The following CRTC3 variants were observed in gnomAD, a reference collection of about 807,000 sequenced individuals.
CRTC3 encodes the protein CREB-regulated transcription coactivator 3.
CRTC3 carries 26 observed loss-of-function variants against 74.5 expected under a neutral mutation model. The observed-to-expected ratio is 0.35, with a 90% CI of 0.26 to 0.48. CRTC3 has a LOEUF of 0.48. Ranked by LOEUF, CRTC3 falls within the 20% of genes least tolerant of loss-of-function variation. The probability of loss-of-function intolerance (pLI) is 0.99; values close to 1 mark genes in which losing one functional copy is unlikely to be tolerated. For synonymous variants in CRTC3, 377 were observed against 325.8 expected (o/e 1.16, Z -1.69); for missense variants, 760 against 787.3 (o/e 0.97, Z 0.41).
chr15:90,564,199 C>T (rs555746402), intron 2 of CRTC3, among the ~76,000 whole-genome samples: 1 of 152,312 alleles, frequency 6.6e-6, no homozygotes, highest in South Asian at 2.1e-4. Flanking sequence ...TAACTACCAG[C>T]TCTCCGTCTG....
At chr15:90,620,346 T>C (rs1334555035) in intron 9 of CRTC3, among the ~76,000 whole-genome samples, 1 of 152,216 alleles carries the variant, frequency 6.6e-6, no homozygotes, top group African/African-American at 2.4e-5. Context: ...TATTTTCCAT[T>C]TGCAATACAA....
intron 6 of CRTC3, among the ~76,000 whole-genome samples, chr15:90,612,433 C>A (rs1968385585): frequency 6.6e-6 from 1 of 151,974 alleles, no homozygotes; most frequent in South Asian, 2.1e-4. Flanking sequence ...TCCTTCTGTT[C>A]CAGTCTGAGG....
At chr15:90,542,826 C>T (rs913941060) in intron 2 of CRTC3, among the ~76,000 whole-genome samples, 9 of 152,094 alleles carry the variant, frequency 5.9e-5, no homozygotes, top group African/African-American at 1.9e-4. Context: ...AGATTACAGG[C>T]CAGTTTTTTT....
At chr15:90,634,660 A>T (rs1338991539) in intron 11 of CRTC3, 1 of 568,548 alleles carries the variant, frequency 1.8e-6, no homozygotes, top group African/African-American at 1.9e-5. Flanking sequence ...AGAACAGGAC[A>T]CTGAGGGGCT....
At chr15:90,571,237 A>C (rs1389578140) in intron 2 of CRTC3, among the ~76,000 whole-genome samples, 1 of 152,168 alleles carries the variant, frequency 6.6e-6, no homozygotes, top group Non-Finnish European at 1.5e-5. Context: ...CATGTGACAA[A>C]CCCACAATAG....
intron 2 of CRTC3, among the ~76,000 whole-genome samples, chr15:90,581,993 T>G (rs1350118993): frequency 6.6e-6 from 1 of 152,186 alleles, no homozygotes; most frequent in Non-Finnish European, 1.5e-5. Flanking sequence ...CTGACCCTTG[T>G]GGCCTCCAAG....
intron 2 of CRTC3, among the ~76,000 whole-genome samples, chr15:90,560,449 G>A (rs137970216): frequency 5.5e-4 from 84 of 152,318 alleles, no homozygotes; most frequent in Admixed American, 2.0e-3. Flanking sequence ...CCAGGCATCC[G>A]TTGTCTTCCC....
At chr15:90,622,600 C>T (rs1324882373) in intron 9 of CRTC3, among the ~76,000 whole-genome samples, 2 of 152,204 alleles carry the variant, frequency 1.3e-5, no homozygotes, top group East Asian at 3.9e-4. Flanking sequence ...CCTGTAATCG[C>T]AGCACTTTGG....
chr15:90,541,893 T>C lies in CRTC3; in HGVS notation c.231+1756T>C, dbSNP rs189392932. 7.5e-4 allele frequency among the ~76,000 whole-genome samples: 113 copies of C among 150,102 alleles called. 1 individual carries two copies. Among genetic ancestry groups the C allele is most frequent in the African/African-American group, 2.6e-3 (108 of 40,880 alleles). On this transcript the variant is annotated intron_variant, in intron 2 of 14. Coordinates refer to ENST00000268184, the MANE Select transcript of CRTC3 (RefSeq NM_022769.5). ...CTCCATCACCTGGGTTCAAGCATTCTCCTGCCTCAGCCTCCTGAGTAGCTG... is the reference window on the plus strand; with the variant it reads ...CTCCATCACCTGGGTTCAAGCATTCCCCTGCCTCAGCCTCCTGAGTAGCTG...
In CRTC3 at chr15:90,613,492, G is replaced by A. The variant is rs577771380; in HGVS notation, c.578-961G>A. Among the ~76,000 whole-genome samples the A allele has an allele frequency of 3.9e-5, 6 of 152,234 alleles. No individual in the cohort carries two copies. In the East Asian group the frequency reaches 9.6e-4, roughly 24 times the overall value. ...TACCTGTGTTATAGAATGTGCTACC[G>A]TGTTACCCTGATCTGTCTTCTCACC... is the stretch of plus-strand genomic sequence containing the variant. On this transcript the variant is annotated intron_variant, in intron 6 of 14. Coordinates refer to ENST00000268184, the MANE Select transcript of CRTC3 (RefSeq NM_022769.5).
chr15:90,534,219 T>C (rs1288335493), intron 1 of CRTC3, among the ~76,000 whole-genome samples: 1 of 151,974 alleles, frequency 6.6e-6, no homozygotes, highest in East Asian at 1.9e-4. Context: ...CCAGATTTTG[T>C]GAATGGGTGA....
At chr15:90,634,419 C>T (rs1969158710) in intron 11 of CRTC3, among the ~76,000 whole-genome samples, 1 of 152,130 alleles carries the variant, frequency 6.6e-6, no homozygotes, top group Non-Finnish European at 1.5e-5. Context: ...GCCTTGTTAT[C>T]TTGTTTCATC....
At chr15:90,615,080 A>AATT (rs1567185489) in intron 7 of CRTC3, among the ~76,000 whole-genome samples, 243 of 150,790 alleles carry the variant, frequency 1.6e-3, no homozygotes, top group African/African-American at 5.5e-3. Context: ...ATAAATAAAT[A>AATT]AATAAATAAA....
chr15:90,641,053 A>C, intron 13 of CRTC3, 44 bp from the exon 14 acceptor site: 6 of 1,297,054 alleles, frequency 4.6e-6, no homozygotes, highest in Non-Finnish European at 6.7e-6. Context: ...TCCTCCTTGG[A>C]AACAGAGGTG....
At position 90,641,945 on chromosome 15, in the gene CRTC3, C is replaced by T; in HGVS notation, c.1665C>T (p.Thr555=). The T allele has an allele frequency of 1.9e-6, 3 of 1,613,502 alleles. No homozygotes were observed. The highest frequency in any genetic ancestry group is 2.5e-6 in the Non-Finnish European group (3 of 1,179,850). Residue 555 remains threonine, a synonymous_variant, in exon 15 of 15, where the codon ACC becomes ACT. Coordinates refer to ENST00000268184, the MANE Select transcript of CRTC3 (RefSeq NM_022769.5). Reference sequence around the variant, plus strand: ...CACTCCTTTCAGAAGACTCCAGCACCAGCCTGTTCAAAGACCTCAACAGTG... The same window carrying T: ...CACTCCTTTCAGAAGACTCCAGCACTAGCCTGTTCAAAGACCTCAACAGTG... ...PNTILPEDSS[T]SLFKDLNSAL... is the part of the protein sequence containing the mutation.
intron 7 of CRTC3, among the ~76,000 whole-genome samples, chr15:90,615,582 A>G (rs1310313156): frequency 1.3e-5 from 2 of 152,254 alleles, no homozygotes; most frequent in African/African-American, 2.4e-5. Context: ...CCACTAGAAC[A>G]GAAATTAATA....
chr15:90,533,206 A>T (rs536043822), intron 1 of CRTC3, among the ~76,000 whole-genome samples: 1 of 149,594 alleles, frequency 6.7e-6, no homozygotes, highest in East Asian at 2.0e-4. Context: ...GATCGAGACC[A>T]TCCTGGCTAA....
chr15:90,603,892 C>T (rs1968149111), intron 4 of CRTC3, among the ~76,000 whole-genome samples: 1 of 152,128 alleles, frequency 6.6e-6, no homozygotes, highest in Non-Finnish European at 1.5e-5. Flanking sequence ...AGAATAAATA[C>T]AATATTTTAT....
At chr15:90,573,241 A>C (rs759695446) in intron 2 of CRTC3, among the ~76,000 whole-genome samples, 9 of 152,254 alleles carry the variant, frequency 5.9e-5, no homozygotes, top group Admixed American at 2.6e-4. Context: ...CGGGGATTCC[A>C]CAAAGGCGTG....
Sources: allele counts gnomAD v4.1 joint callset (sites outside exome capture counted in the v4.1 genomes callset), GRCh38; gene constraint gnomAD v4.1.1; transcripts MANE v1.5; gene names NCBI Gene and HGNC (gene_info 2026-07-23, HGNC 2026-07-21).